Variants in PCDHA2 observed in about 807,000 individuals in gnomAD.
PCDHA2 encodes protocadherin alpha 2.
Under a neutral mutation model 66.0 loss-of-function variants are expected in PCDHA2, and 58 were observed. The observed-to-expected ratio is 0.88, with a 90% CI of 0.71 to 1.09. The LOEUF (loss-of-function observed/expected upper bound fraction) is 1.09, where lower values mean the gene tolerates loss of function less well. Ranked by LOEUF, PCDHA2 falls within the 50% of genes least tolerant of loss-of-function variation. The probability of loss-of-function intolerance (pLI) is 0.00; values close to 1 mark genes in which losing one functional copy is unlikely to be tolerated. For synonymous variants in PCDHA2, 634 were observed against 554.0 expected (o/e 1.14, Z -2.03); for missense variants, 1,267 against 1,242.3 (o/e 1.02, Z -0.30).
chr5:140,809,801 A>G (rs1233967779), intron 1 of PCDHA2: 1 of 450,432 alleles, frequency 2.2e-6, no homozygotes. Flanking sequence ...TGTAATTTCT[A>G]GTAAATTTTC....
Position 140,830,206 on chromosome 5 carries a change from C to T in PCDHA2, c.2388+32854C>T, listed in dbSNP as rs144997304. 2.0e-5 allele frequency: 32 copies of T among 1,613,660 alleles called. No individual in the cohort carries two copies. The Admixed American group carries it at 2.0e-4, about 10-fold the overall frequency. On this transcript the variant is annotated intron_variant, in intron 1 of 3. Coordinates refer to ENST00000526136, the MANE Select transcript of PCDHA2 (RefSeq NM_018905.3). Reference sequence around the variant, plus strand: ...ACGTGTACCTGATCATCGCCATCTGCGCGGTATCCAGCCTGCTGGTCCTCA... The same window carrying T: ...ACGTGTACCTGATCATCGCCATCTGTGCGGTATCCAGCCTGCTGGTCCTCA...
At chr5:141,004,367 T>C (rs1281168288) in intron 3 of PCDHA2, among the ~76,000 whole-genome samples, 5 of 152,198 alleles carry the variant, frequency 3.3e-5, no homozygotes, top group Non-Finnish European at 5.9e-5. Context: ...CCACACCTTG[T>C]TCTGCTCTGC....
At chr5:140,821,800 C>G (rs782220892) in intron 1 of PCDHA2, 1 of 1,613,116 alleles carries the variant, frequency 6.2e-7, no homozygotes, top group Non-Finnish European at 8.5e-7. Context: ...GAGAGGAAGT[C>G]TGGGATCCCG....
chr5:140,996,630 A>G (rs765477034), intron 3 of PCDHA2, among the ~76,000 whole-genome samples: 10 of 152,210 alleles, frequency 6.6e-5, no homozygotes, highest in Non-Finnish European at 1.5e-4. Flanking sequence ...TGGTTCCTGC[A>G]AATTATGTAG....
At chr5:140,939,603 C>T (rs1158258856) in intron 1 of PCDHA2, among the ~76,000 whole-genome samples, 1 of 152,068 alleles carries the variant, frequency 6.6e-6, no homozygotes, top group Non-Finnish European at 1.5e-5. Flanking sequence ...TGCTCAAAAA[C>T]AGAACAAGGA....
At chr5:140,903,873 A>G (rs1173905704) in intron 1 of PCDHA2, among the ~76,000 whole-genome samples, 2 of 152,204 alleles carry the variant, frequency 1.3e-5, no homozygotes, top group Non-Finnish European at 2.9e-5. Context: ...GTAAAATGAC[A>G]AAGACATTGA....
intron 3 of PCDHA2, among the ~76,000 whole-genome samples, chr5:140,992,394 G>A (rs1338899804): frequency 2.0e-5 from 3 of 152,170 alleles, no homozygotes; most frequent in African/African-American, 7.2e-5. Flanking sequence ...TCTGGACTTA[G>A]AGATATTGTT....
chr5:140,922,434 C>T (rs1167616099), intron 1 of PCDHA2, among the ~76,000 whole-genome samples: 1 of 152,180 alleles, frequency 6.6e-6, no homozygotes, highest in Admixed American at 6.5e-5. Flanking sequence ...GAGGGCAGAA[C>T]TCTCTCATTA....
intron 1 of PCDHA2, chr5:140,857,754 C>T: frequency 6.3e-7 from 1 of 1,597,392 alleles, no homozygotes; most frequent in Non-Finnish European, 8.6e-7. Flanking sequence ...GCGTCTCCCG[C>T]TGGCAGCGCG....
At chr5:140,862,971 A>T (rs1581664688) in intron 1 of PCDHA2, 1 of 544,766 alleles carries the variant, frequency 1.8e-6, no homozygotes, top group Non-Finnish European at 3.6e-6. Context: ...GATGCAGGCC[A>T]CTTGGTGGCG....
intron 1 of PCDHA2, among the ~76,000 whole-genome samples, chr5:140,901,300 C>T (rs189786790): frequency 3.3e-5 from 5 of 152,176 alleles, no homozygotes; most frequent in African/African-American, 9.6e-5. Flanking sequence ...ACTGATGTTC[C>T]GGAGAGTTTC....
chr5:140,871,132 G>T, intron 1 of PCDHA2: 7 of 1,613,372 alleles, frequency 4.3e-6, no homozygotes, highest in Non-Finnish European at 5.9e-6. Context: ...GGCGCCAAAG[G>T]CCTCTTCCCG....
At chr5:140,848,946 C>T (rs2150425951) in intron 1 of PCDHA2, 32 of 1,607,242 alleles carry the variant, frequency 2.0e-5, no homozygotes, top group Non-Finnish European at 2.5e-5. Flanking sequence ...GCTTGACTCT[C>T]GGTTTCCACT....
At chr5:140,841,570 T>G in intron 1 of PCDHA2, 2 of 1,613,936 alleles carry the variant, frequency 1.2e-6, no homozygotes, top group Non-Finnish European at 8.5e-7. Context: ...AGAATGGCAT[T>G]TTGTTTGTGA....
intron 1 of PCDHA2, chr5:140,871,090 A>G (rs782465793): frequency 1.2e-6 from 2 of 1,613,254 alleles, no homozygotes; most frequent in South Asian, 1.1e-5. Flanking sequence ...GGCCACGGCC[A>G]CCGTGCTGGT....
intron 2 of PCDHA2, among the ~76,000 whole-genome samples, chr5:140,981,989 A>G (rs1343187322): frequency 2.0e-5 from 3 of 152,236 alleles, no homozygotes; most frequent in African/African-American, 4.8e-5. Flanking sequence ...AAAATAGAAA[A>G]TAAGGTTAAG....
intron 1 of PCDHA2, among the ~76,000 whole-genome samples, chr5:140,799,054 A>G (rs1262692335): frequency 1.3e-5 from 2 of 152,196 alleles, no homozygotes; most frequent in African/African-American, 4.8e-5. Flanking sequence ...TTATATTCAC[A>G]TATATCCAAA....
At chr5:140,804,797 A>C (rs1014699829) in intron 1 of PCDHA2, 20 of 290,524 alleles carry the variant, frequency 6.9e-5, no homozygotes, top group East Asian at 1.2e-4. Flanking sequence ...ACCACTGGAG[A>C]GAAATAGTAA....
intron 1 of PCDHA2, among the ~76,000 whole-genome samples, chr5:140,950,973 T>C (rs1381300164): frequency 3.3e-5 from 5 of 152,244 alleles, no homozygotes; most frequent in Middle Eastern, 3.4e-3. Flanking sequence ...TTCAGATTCA[T>C]TGACTTTTGC....
Sources: gnomAD v4.1 joint callset for allele counts (sites outside exome capture counted in the v4.1 genomes callset) on GRCh38, gnomAD v4.1.1 for gene constraint, MANE v1.5 for transcripts, NCBI Gene and HGNC (gene_info 2026-07-23, HGNC 2026-07-21) for gene names.